The following HMBOX1 variants were observed in gnomAD, a reference collection of about 807,000 sequenced individuals.
The protein encoded by HMBOX1 is homeobox containing 1.
A neutral mutation model predicts 54.5 loss-of-function variants in HMBOX1; 14 were observed. The observed-to-expected ratio is 0.26, with a 90% CI of 0.17 to 0.40. The LOEUF (loss-of-function observed/expected upper bound fraction) is 0.40, where lower values mean the gene tolerates loss of function less well. Among genes scored for constraint, HMBOX1 ranks in the 10% least tolerant of loss-of-function variants. The pLI, the probability that HMBOX1 is intolerant of heterozygous loss-of-function variation, is 1.00. For missense variants in HMBOX1, 332 were observed against 514.4 expected, an observed-to-expected ratio of 0.65 and a Z score of 3.43; for synonymous variants, 160 against 181.0, an observed-to-expected ratio of 0.88 and a Z score of 0.93.
intron 9 of HMBOX1, chr8:29,049,344 G>GGCAGAGAA: frequency 6.5e-7 from 1 of 1,533,728 alleles, no homozygotes; most frequent in Non-Finnish European, 8.7e-7. Flanking sequence ...TTCAGAGGGA[G>GGCAGAGAA]GCAGAGAAGC....
intron 4 of HMBOX1, among the ~76,000 whole-genome samples, chr8:28,995,410 TTGG>T (rs1235071119): frequency 6.6e-6 from 1 of 152,194 alleles, no homozygotes; most frequent in Non-Finnish European, 1.5e-5. Context: ...TATTCATCAG[TTGG>T]TGGACATGTG....
intron 1 of HMBOX1, among the ~76,000 whole-genome samples, chr8:28,907,594 C>G (rs1417990152): frequency 1.3e-5 from 2 of 152,164 alleles, no homozygotes; most frequent in Non-Finnish European, 2.9e-5. Context: ...TTATGTGCCT[C>G]TGCTCCTGAT....
intron 5 of HMBOX1, among the ~76,000 whole-genome samples, chr8:29,016,814 A>G (rs1835090340): frequency 1.3e-5 from 2 of 152,266 alleles, no homozygotes; most frequent in Non-Finnish European, 2.9e-5. Flanking sequence ...CCTTGAGTGA[A>G]TAAGAGAGAA....
intron 9 of HMBOX1, chr8:29,049,382 C>T (rs1424952364): frequency 2.0e-6 from 3 of 1,533,300 alleles, no homozygotes; most frequent in Non-Finnish European, 2.6e-6. Flanking sequence ...AGAGGAGGAT[C>T]TGATCCAAAC....
chr8:28,896,635 A>C (rs1253537628), intron 1 of HMBOX1, among the ~76,000 whole-genome samples: 1 of 127,944 alleles, frequency 7.8e-6, no homozygotes, highest in Non-Finnish European at 1.9e-5. Context: ...TTTTAACTGT[A>C]CTTTTTCCAA....
intron 1 of HMBOX1, among the ~76,000 whole-genome samples, chr8:28,903,220 C>T (rs1858462): frequency 0.61 from 92,770 of 152,094 alleles, 28,817 homozygotes; most frequent in Admixed American, 0.7. Flanking sequence ...TTTTAGATTA[C>T]AATTGAATTT....
At chr8:28,900,104 A>G (rs914261378) in intron 1 of HMBOX1, among the ~76,000 whole-genome samples, 1 of 151,414 alleles carries the variant, frequency 6.6e-6, no homozygotes, top group African/African-American at 2.4e-5. Flanking sequence ...CTAAAACATT[A>G]GCTGGGCATC....
chr8:28,931,878 CAAGCACCTTTTATG>C (rs1819532735), intron 1 of HMBOX1, among the ~76,000 whole-genome samples: 1 of 152,168 alleles, frequency 6.6e-6, no homozygotes, highest in South Asian at 2.1e-4. Flanking sequence ...ACTAGGAAAA[CAAGCACCTTTTATG>C]TGCCAGGCAC....
At chr8:28,996,522 G>A (rs1831864608) in intron 4 of HMBOX1, among the ~76,000 whole-genome samples, 1 of 152,174 alleles carries the variant, frequency 6.6e-6, no homozygotes, top group African/African-American at 2.4e-5. Context: ...GGGAGGCTGA[G>A]GAAGGAGAAT....
intron 5 of HMBOX1, among the ~76,000 whole-genome samples, chr8:29,018,483 T>C (rs1314705595): frequency 6.6e-6 from 1 of 152,158 alleles, no homozygotes; most frequent in Admixed American, 6.5e-5. Context: ...TTTACAAGAA[T>C]TAGGGTTATT....
intron 5 of HMBOX1, chr8:29,010,224 T>G (rs947344153): frequency 1.3e-6 from 1 of 781,346 alleles, no homozygotes; most frequent in Admixed American, 6.3e-5. Flanking sequence ...TTCAAAAGAC[T>G]AACACAGTAG....
At chr8:29,030,249 CT>C (rs1340325724) in intron 6 of HMBOX1, among the ~76,000 whole-genome samples, 1 of 140,976 alleles carries the variant, frequency 7.1e-6, no homozygotes, top group Non-Finnish European at 1.5e-5. Context: ...CGGAGTTTTG[CT>C]TTTGTTGCCC....
intron 4 of HMBOX1, among the ~76,000 whole-genome samples, chr8:28,981,098 A>T (rs1356991675): frequency 6.6e-6 from 1 of 152,194 alleles, no homozygotes; most frequent in East Asian, 1.9e-4. Context: ...CATGATACAT[A>T]CTGAAGCTAA....
intron 1 of HMBOX1, among the ~76,000 whole-genome samples, chr8:28,895,649 T>G (rs967976242): frequency 1.3e-5 from 2 of 151,134 alleles, no homozygotes; most frequent in Admixed American, 6.6e-5. Flanking sequence ...CACTCCAGCC[T>G]GGGCAACAGA....
chr8:28,998,489 TATATG>T (rs1394313900), intron 4 of HMBOX1, among the ~76,000 whole-genome samples: 6 of 152,160 alleles, frequency 3.9e-5, no homozygotes, highest in Non-Finnish European at 8.8e-5. Context: ...TGGTTATTTT[TATATG>T]ATATATCTTT....
chr8:28,956,343 A>C (rs976440367), intron 1 of HMBOX1, among the ~76,000 whole-genome samples: 4 of 151,806 alleles, frequency 2.6e-5, no homozygotes, highest in Non-Finnish European at 4.4e-5. Context: ...CATAATAGGA[A>C]ATTTTTAACG....
intron 1 of HMBOX1, among the ~76,000 whole-genome samples, chr8:28,892,747 AT>A (rs1410620477): frequency 6.6e-6 from 1 of 152,194 alleles, no homozygotes; most frequent in Non-Finnish European, 1.5e-5. Flanking sequence ...AGAAAAAAAA[AT>A]GTGATTTCTA....
chr8:28,896,106 T>G (rs898961566), intron 1 of HMBOX1, among the ~76,000 whole-genome samples: 5 of 152,178 alleles, frequency 3.3e-5, no homozygotes, highest in African/African-American at 1.2e-4. Flanking sequence ...GCAAATCATT[T>G]AAAATGTCTG....
chr8:28,960,781 T>TTTTTTTTTTTTTG, intron 1 of HMBOX1, among the ~76,000 whole-genome samples: 1 of 45,346 alleles, frequency 2.2e-5, no homozygotes, highest in Non-Finnish European at 4.6e-5. Context: ...TTTTTTTTTT[T>TTTTTTTTTTTTTG]TTTTTTTTTT....
Sources: gnomAD v4.1 joint callset for allele counts (sites outside exome capture counted in the v4.1 genomes callset) on GRCh38, gnomAD v4.1.1 for gene constraint, MANE v1.5 for transcripts, NCBI Gene and HGNC (gene_info 2026-07-23, HGNC 2026-07-21) for gene names.